Variants in SMKR1 observed in about 807,000 individuals in gnomAD.
SMKR1 encodes small lysine-rich protein 1.
SMKR1 carries 4 observed loss-of-function variants against 4.0 expected under a neutral mutation model. The ratio of observed to expected loss-of-function variants is 1.00; its 90% CI spans 0.49 to 2.30. The LOEUF is 2.30. Ranked by LOEUF, SMKR1 falls within the 30% of genes most tolerant of loss-of-function variation. The probability of loss-of-function intolerance (pLI) is 0.02; values close to 1 mark genes in which losing one functional copy is unlikely to be tolerated. For synonymous variants in SMKR1, 38 were observed against 32.5 expected (o/e 1.17, Z -0.58); for missense variants, 56 against 81.8 (o/e 0.68, Z 1.22).
At chr7:129,509,798 C>A (rs1319060886) in intron 1 of SMKR1, among the ~76,000 whole-genome samples, 1 of 152,180 alleles carries the variant, frequency 6.6e-6, no homozygotes, top group Non-Finnish European at 1.5e-5. Context: ...CTCAGCCTCC[C>A]AAAGTGCTGG....
chr7:129,507,332 T>C (rs1230691150), intron 1 of SMKR1, among the ~76,000 whole-genome samples: 1 of 151,966 alleles, frequency 6.6e-6, no homozygotes, highest in African/African-American at 2.4e-5. Context: ...TTTTTTAATA[T>C]AGATATGGGG....
intron 1 of SMKR1, among the ~76,000 whole-genome samples, chr7:129,505,132 A>G (rs1048771510): frequency 2.0e-5 from 3 of 152,266 alleles, no homozygotes; most frequent in African/African-American, 4.8e-5. Flanking sequence ...GCAGATATTT[A>G]TGCATCCTTG....
chr7:129,508,421 A>G (rs544333866), intron 1 of SMKR1, among the ~76,000 whole-genome samples: 1 of 152,274 alleles, frequency 6.6e-6, no homozygotes, highest in East Asian at 1.9e-4. Context: ...AGGTAGTATT[A>G]GTCTACCAAT....
At chr7:129,510,076 C>T (rs1799511216) in intron 1 of SMKR1, among the ~76,000 whole-genome samples, 1 of 152,166 alleles carries the variant, frequency 6.6e-6, no homozygotes, top group Non-Finnish European at 1.5e-5. Flanking sequence ...AAGTTCAACT[C>T]AGTTTTGTGC....
At chr7:129,508,146 T>C (rs2151027960) in intron 1 of SMKR1, among the ~76,000 whole-genome samples, 1 of 152,334 alleles carries the variant, frequency 6.6e-6, no homozygotes, top group South Asian at 2.1e-4. Context: ...GGTTTTATAT[T>C]TATTTCTATT....
chr7:129,506,868 T>TC (rs796866353), intron 1 of SMKR1, among the ~76,000 whole-genome samples: 35 of 148,122 alleles, frequency 2.4e-4, no homozygotes, highest in Admixed American at 2.1e-3. Flanking sequence ...TCTTTTCTTT[T>TC]TTTTTTTTTT....
intron 1 of SMKR1, among the ~76,000 whole-genome samples, chr7:129,505,902 G>A (rs1340108855): frequency 2.6e-5 from 4 of 152,264 alleles, no homozygotes; most frequent in African/African-American, 4.8e-5. Flanking sequence ...GGAGAAGCTC[G>A]GAGTGTTGGG....
Position 129,512,656 on chromosome 7 carries a change from G to C in SMKR1, c.*215G>C, listed in dbSNP as rs1461798935. On this transcript the variant is annotated 3_prime_UTR_variant, in exon 2 of 2. Coordinates refer to ENST00000462322, the MANE Select transcript of SMKR1 (RefSeq NM_001195243.2). ...CCACTTTGGTTTTTTAGGAGCTATAGGATGGGAAAAGCCTGAGTAATTCCT... is the reference window on the plus strand; with the variant it reads ...CCACTTTGGTTTTTTAGGAGCTATACGATGGGAAAAGCCTGAGTAATTCCT... 1 of 506,984 alleles carries C rather than the reference G, an allele frequency of 2.0e-6. No individual in the cohort carries two copies. Among genetic ancestry groups the C allele is most frequent in the Admixed American group, 4.0e-5 (1 of 25,282 alleles). The allele number at this position is 506,984 out of a possible 1,614,324, so 31.4% of individuals were successfully genotyped here.
intron 1 of SMKR1, among the ~76,000 whole-genome samples, chr7:129,508,537 G>C (rs772812941): frequency 6.6e-6 from 1 of 152,136 alleles, no homozygotes; most frequent in Non-Finnish European, 1.5e-5. Flanking sequence ...TGCCTTCCGG[G>C]TTCAAGCGAT....
intron 1 of SMKR1, among the ~76,000 whole-genome samples, chr7:129,506,404 T>C (rs533223477): frequency 6.6e-6 from 1 of 152,306 alleles, no homozygotes; most frequent in South Asian, 2.1e-4. Flanking sequence ...ATCGTGCCAC[T>C]GTACTCCAGC....
chr7:129,511,838 A>AT (rs1048062892), intron 1 of SMKR1, among the ~76,000 whole-genome samples: 3 of 151,954 alleles, frequency 2.0e-5, no homozygotes, highest in African/African-American at 7.3e-5. Flanking sequence ...CCTTTTAGGA[A>AT]TTTTTTTTCC....
chr7:129,512,605 T>G lies in SMKR1; in HGVS notation c.*164T>G. On this transcript the variant is annotated 3_prime_UTR_variant, in exon 2 of 2. Coordinates refer to ENST00000462322, the MANE Select transcript of SMKR1 (RefSeq NM_001195243.2). ...GGAAGATCAGGAAATGCACCTTACT[T>G]CCTCTGTTATGCCAGATATGGTTAG... 1.4e-6 allele frequency: 1 copy of G among 739,658 alleles called. No homozygotes were observed. 45.8% of individuals were successfully genotyped at this position (739,658 alleles called of 1,614,324 possible). A position where few individuals can be genotyped will look rare whatever the true frequency, so the allele number is the denominator to read the frequency against.
chr7:129,509,560 T>C (rs610672), intron 1 of SMKR1, among the ~76,000 whole-genome samples: 11 of 151,928 alleles, frequency 7.2e-5, no homozygotes, highest in Admixed American at 6.6e-4. Context: ...TTTTTTTTTT[T>C]AGACGGAGTC....
Position 129,502,919 on chromosome 7 carries a change from C to T in SMKR1, c.3+92C>T, listed in dbSNP as rs547380371. 504 of 1,516,926 alleles carry T rather than the reference C, an allele frequency of 3.3e-4. 14 individuals are homozygous for T. The African/African-American group carries it at 6.3e-3, about 19-fold the overall frequency. 94.0% of individuals were successfully genotyped at this position (1,516,926 alleles called of 1,614,324 possible). ...AGAGGCGCGGGCGCCGAGGTCACCG[C>T]CTCTCCCTGGGGTCGACCTCAACGC... On this transcript the variant is annotated intron_variant, in intron 1 of 1. Transcript: ENST00000462322.
intron 1 of SMKR1, among the ~76,000 whole-genome samples, chr7:129,507,044 C>G (rs1429536532): frequency 2.0e-5 from 3 of 149,822 alleles, no homozygotes; most frequent in Non-Finnish European, 3.0e-5. Flanking sequence ...GAGATGGAGT[C>G]TCACTCTGTT....
intron 1 of SMKR1, among the ~76,000 whole-genome samples, chr7:129,505,408 A>C (rs967864253): frequency 6.6e-6 from 1 of 152,058 alleles, no homozygotes; most frequent in African/African-American, 2.4e-5. Context: ...TTTGGGCAAT[A>C]AATTATATGG....
intron 1 of SMKR1, among the ~76,000 whole-genome samples, chr7:129,509,902 C>T (rs1311524384): frequency 6.6e-6 from 1 of 152,086 alleles, no homozygotes; most frequent in Non-Finnish European, 1.5e-5. Context: ...ATTTTTTGAC[C>T]GCAATGCTGT....
intron 1 of SMKR1, among the ~76,000 whole-genome samples, chr7:129,510,290 C>T (rs1012044188): frequency 1.3e-5 from 2 of 152,140 alleles, no homozygotes; most frequent in African/African-American, 4.8e-5. Context: ...GAACACTGAC[C>T]TTATGGGGTA....
rs1799422077 is a variant in SMKR1 at position 129,502,637 on chromosome 7, G to A, written c.-188G>A. 1.2e-6 allele frequency: 1 copy of A among 816,552 alleles called. No individual in the cohort carries two copies. The highest frequency in any genetic ancestry group is 3.6e-5 in the Admixed American group (1 of 27,916). The allele number at this position is 816,552 out of a possible 1,614,324, so 50.6% of individuals were successfully genotyped here. A position where few individuals can be genotyped will look rare whatever the true frequency, so the allele number is the denominator to read the frequency against. ...CGGCTGGCTGCCTCCCGAGCCGGCC[G>A]CGCTCCTCCCAGCGAGGCGTGGCGG... On this transcript the variant is annotated 5_prime_UTR_variant, in exon 1 of 2. Coordinates refer to ENST00000462322, the MANE Select transcript of SMKR1 (RefSeq NM_001195243.2).
Sources: gnomAD v4.1 joint callset for allele counts (sites outside exome capture counted in the v4.1 genomes callset) on GRCh38, gnomAD v4.1.1 for gene constraint, MANE v1.5 for transcripts, NCBI Gene and HGNC (gene_info 2026-07-23, HGNC 2026-07-21) for gene names.